Variants in CHCHD6 observed in about 807,000 individuals in gnomAD.
CHCHD6 encodes coiled-coil-helix-coiled-coil-helix domain containing 6, also known as MICOS complex subunit MIC25.
Under a neutral mutation model 32.3 loss-of-function variants are expected in CHCHD6, and 28 were observed. The observed-to-expected ratio is 0.87, with a 90% CI of 0.64 to 1.19. The LOEUF (loss-of-function observed/expected upper bound fraction) is 1.19. Among genes scored for constraint, CHCHD6 ranks in the 50% most tolerant of loss-of-function variants. CHCHD6 has a pLI of 0.00. For synonymous variants in CHCHD6, 122 were observed against 117.5 expected (o/e 1.04, Z -0.25); for missense variants, 333 against 307.0 (o/e 1.08, Z -0.63).
At chr3:126,864,634 C>G (rs1211618868) in intron 5 of CHCHD6, among the ~76,000 whole-genome samples, 3 of 146,548 alleles carry the variant, frequency 2.0e-5, no homozygotes, top group Non-Finnish European at 4.5e-5. Context: ...TCTCCTCCAC[C>G]ACCATTACCT....
At chr3:126,789,339 C>T (rs995631255) in intron 4 of CHCHD6, among the ~76,000 whole-genome samples, 1 of 151,732 alleles carries the variant, frequency 6.6e-6, no homozygotes, top group African/African-American at 2.4e-5. Flanking sequence ...CTATTAGGTC[C>T]ACTTGGTGCA....
intron 5 of CHCHD6, among the ~76,000 whole-genome samples, chr3:126,898,695 C>A (rs1391749610): frequency 6.6e-6 from 1 of 152,086 alleles, no homozygotes; most frequent in African/African-American, 2.4e-5. Flanking sequence ...CCCGTCCCCA[C>A]GCCCAGCTAA....
chr3:126,921,131 C>T (rs77363843), intron 6 of CHCHD6, among the ~76,000 whole-genome samples: 4,586 of 152,242 alleles, frequency 0.03, 98 homozygotes, highest in Non-Finnish European at 0.039. Context: ...AGACCCTGTT[C>T]GTTTTAGCAA....
intron 4 of CHCHD6, among the ~76,000 whole-genome samples, chr3:126,851,071 G>C (rs932491740): frequency 3.9e-5 from 6 of 152,136 alleles, no homozygotes; most frequent in Non-Finnish European, 5.9e-5. Flanking sequence ...TCTTGCTCAG[G>C]CTTCCTAGAG....
chr3:126,740,510 A>C (rs1936247235), intron 4 of CHCHD6, among the ~76,000 whole-genome samples: 1 of 152,180 alleles, frequency 6.6e-6, no homozygotes, highest in African/African-American at 2.4e-5. Flanking sequence ...AAAGAAAATG[A>C]AAAGGCCAAA....
intron 5 of CHCHD6, among the ~76,000 whole-genome samples, chr3:126,868,277 G>A (rs1240751362): frequency 6.6e-6 from 1 of 152,248 alleles, no homozygotes; most frequent in Admixed American, 6.5e-5. Context: ...AGCCTGGGCT[G>A]AGGTGGATGG....
chr3:126,803,360 A>G (rs531889083), intron 4 of CHCHD6, among the ~76,000 whole-genome samples: 2 of 152,254 alleles, frequency 1.3e-5, no homozygotes, highest in South Asian at 4.2e-4. Context: ...AAATAAAGGG[A>G]TGGAGGAAGA....
chr3:126,719,650 A>T (rs1307245023), intron 1 of CHCHD6, among the ~76,000 whole-genome samples: 1 of 152,158 alleles, frequency 6.6e-6, no homozygotes. Flanking sequence ...CATGGGAAAC[A>T]GTGTGTTTAC....
chr3:126,785,820 C>T (rs1316735445), intron 4 of CHCHD6, among the ~76,000 whole-genome samples: 1 of 151,884 alleles, frequency 6.6e-6, no homozygotes, highest in Non-Finnish European at 1.5e-5. Context: ...TTCTTTTATA[C>T]ATATATATAA....
At chr3:126,807,981 G>A (rs1457326440) in intron 4 of CHCHD6, among the ~76,000 whole-genome samples, 1 of 152,218 alleles carries the variant, frequency 6.6e-6, no homozygotes, top group Non-Finnish European at 1.5e-5. Flanking sequence ...AAAACACGTG[G>A]CCAGGTCAGG....
intron 5 of CHCHD6, among the ~76,000 whole-genome samples, chr3:126,887,350 A>T (rs1251501642): frequency 6.6e-6 from 1 of 152,154 alleles, no homozygotes; most frequent in Non-Finnish European, 1.5e-5. Context: ...AGTGCTTTAA[A>T]AGTGCTAACT....
At chr3:126,904,204 T>C (rs1420590466) in intron 5 of CHCHD6, among the ~76,000 whole-genome samples, 3 of 152,214 alleles carry the variant, frequency 2.0e-5, no homozygotes, top group Non-Finnish European at 4.4e-5. Context: ...TCACCCCTGG[T>C]TAGCCCCTCC....
In CHCHD6 at chr3:126,960,183, G is replaced by T; in HGVS notation, c.703-13G>T. The T allele has an allele frequency of 6.4e-7, 1 of 1,551,550 alleles. No individual in the cohort carries two copies. Among genetic ancestry groups the T allele is most frequent in the African/African-American group, 1.4e-5 (1 of 73,136 alleles). On this transcript the variant is annotated splice_polypyrimidine_tract_variant and intron_variant, in intron 7 of 7. Coordinates refer to ENST00000290913, the MANE Select transcript of CHCHD6 (RefSeq NM_032343.3). The stretch of plus-strand genomic sequence containing the variant: ...GTGGGCCCTGACTCAACTCTGACCT[G>T]TTCTCTTTGTAGGGCTGAGGAGCAG...
At chr3:126,743,944 G>A (rs764919536) in intron 4 of CHCHD6, among the ~76,000 whole-genome samples, 16 of 152,252 alleles carry the variant, frequency 1.1e-4, no homozygotes, top group African/African-American at 1.7e-4. Flanking sequence ...GATGGTATGC[G>A]CTGGCAGTGA....
chr3:126,718,595 G>C (rs1935133698), intron 1 of CHCHD6, among the ~76,000 whole-genome samples: 2 of 152,340 alleles, frequency 1.3e-5, no homozygotes, highest in African/African-American at 4.8e-5. Flanking sequence ...CCATTTCCTA[G>C]GTGAGGACAG....
intron 4 of CHCHD6, among the ~76,000 whole-genome samples, chr3:126,754,063 TG>T (rs1936848884): frequency 6.6e-6 from 1 of 152,240 alleles, no homozygotes; most frequent in South Asian, 2.1e-4. Context: ...CTGTAATCTC[TG>T]GTTTGTCCAC....
At chr3:126,825,959 T>A (rs748644683) in intron 4 of CHCHD6, among the ~76,000 whole-genome samples, 2 of 152,214 alleles carry the variant, frequency 1.3e-5, no homozygotes, top group Admixed American at 6.5e-5. Context: ...TTCTTCTCTC[T>A]GAAGGACTCT....
intron 4 of CHCHD6, among the ~76,000 whole-genome samples, chr3:126,844,611 T>C (rs1328640797): frequency 6.6e-6 from 1 of 152,212 alleles, no homozygotes; most frequent in Non-Finnish European, 1.5e-5. Context: ...AAAAGCTATT[T>C]CTTATTAATA....
chr3:126,783,671 A>G (rs537973230), intron 4 of CHCHD6, among the ~76,000 whole-genome samples: 10 of 152,254 alleles, frequency 6.6e-5, no homozygotes, highest in African/African-American at 1.7e-4. Context: ...TAAGAAAACA[A>G]TCCCATTTAC....
Sources: gnomAD v4.1 joint callset for allele counts (sites outside exome capture counted in the v4.1 genomes callset) on GRCh38, gnomAD v4.1.1 for gene constraint, MANE v1.5 for transcripts, NCBI Gene and HGNC (gene_info 2026-07-23, HGNC 2026-07-21) for gene names.